Variants in NREP observed in about 807,000 individuals in gnomAD.
NREP encodes neuronal regeneration related protein, also known as neuronal regeneration-related protein.
In NREP, 5 loss-of-function variants were observed where a neutral mutation model predicts 8.6. That is an observed-to-expected ratio of 0.58 (90% confidence interval 0.30 to 1.22). NREP has a LOEUF of 1.22. Among genes scored for constraint, NREP ranks in the 50% most tolerant of loss-of-function variants. The pLI is 0.07. For synonymous variants in NREP, 27 were observed against 28.0 expected (o/e 0.96, Z 0.11); for missense variants, 86 against 82.5 (o/e 1.04, Z -0.17).
Position 111,893,439 on chromosome 5 carries a change from C to T in NREP, c.135+81835G>A, listed in dbSNP as rs997751372. Among the ~76,000 whole-genome samples the T allele has an allele frequency of 2.6e-5, 4 of 151,824 alleles. No homozygotes were observed. The East Asian group carries it at 7.8e-4, about 30-fold the overall frequency. On this transcript the variant is annotated intron_variant, in intron 2 of 3. Coordinates refer to the NREP transcript ENST00000395634. Reference sequence around the variant, plus strand: ...CCCTTCTGTAGGTTCTCACTGTGCACTATATTAGGGTGACATTCAAACATC... The same window carrying T: ...CCCTTCTGTAGGTTCTCACTGTGCATTATATTAGGGTGACATTCAAACATC...
chr5:111,767,859 CT>C (rs1751123036), intron 2 of NREP, among the ~76,000 whole-genome samples: 1 of 152,078 alleles, frequency 6.6e-6, no homozygotes, highest in African/African-American at 2.4e-5. Context: ...AATATGGGGT[CT>C]CCCTGTTTTC....
chr5:111,871,971 CAT>C (rs919682960), intron 2 of NREP, among the ~76,000 whole-genome samples: 34 of 149,246 alleles, frequency 2.3e-4, no homozygotes, highest in Non-Finnish European at 3.9e-4. Flanking sequence ...GTGTGCTTAC[CAT>C]ATATATACAC....
Position 111,798,827 on chromosome 5 carries a change from C to G in NREP, c.136-63320G>C, listed in dbSNP as rs374731131. Among the ~76,000 whole-genome samples the G allele has an allele frequency of 1.1e-4, 16 of 150,760 alleles. No homozygotes were observed. The Admixed American group carries it at 1.1e-3, about 10-fold the overall frequency. ...ACAGTTTCTTTATCCACTCATTGAT[C>G]GATGGGCATTTAAGCTGGTTCCATA... On this transcript the variant is annotated intron_variant, in intron 2 of 3. Transcript: ENST00000395634.
chr5:111,934,240 T>C (rs1755622372), intron 2 of NREP, among the ~76,000 whole-genome samples: 1 of 151,982 alleles, frequency 6.6e-6, no homozygotes, highest in African/African-American at 2.4e-5. Flanking sequence ...CGGGCATACG[T>C]TGGGTTATAA....
chr5:111,958,634 C>T (rs191448897), intron 2 of NREP, among the ~76,000 whole-genome samples: 1 of 151,760 alleles, frequency 6.6e-6, no homozygotes, highest in Admixed American at 6.6e-5. Flanking sequence ...ATGCACAAAG[C>T]TATTGAAGAC....
At chr5:111,894,363 A>T (rs929569664) in intron 2 of NREP, among the ~76,000 whole-genome samples, 27 of 152,160 alleles carry the variant, frequency 1.8e-4, no homozygotes, top group African/African-American at 6.5e-4. Context: ...AGGGAAAAAA[A>T]CTGGCCTCTT....
At chr5:111,836,955 G>A (rs549356399) in intron 2 of NREP, among the ~76,000 whole-genome samples, 1 of 152,126 alleles carries the variant, frequency 6.6e-6, no homozygotes, top group East Asian at 1.9e-4. Context: ...GGGAAAATGG[G>A]AAAAGAATTG....
rs551217544 is a variant in NREP, at chr5:111,748,003, G to A, written c.3+7767C>T. ...ATGACTGCCTCAGTCAGACTATTGA[G>A]ACAAACTGTGCTGCCCGCTGGAAAA... On this transcript the variant is annotated intron_variant, in intron 2 of 3. Coordinates refer to ENST00000257435, the MANE Select transcript of NREP (RefSeq NM_004772.4). Among the ~76,000 whole-genome samples the A allele has an allele frequency of 2.0e-5, 3 of 152,268 alleles. No individual in the cohort carries two copies. The East Asian group carries it at 5.8e-4, about 29-fold the overall frequency.
At chr5:111,955,821 T>A in intron 2 of NREP, among the ~76,000 whole-genome samples, 1 of 148,676 alleles carries the variant, frequency 6.7e-6, no homozygotes, top group Admixed American at 6.8e-5. Context: ...AGCATGGGAG[T>A]AGACAGAGCC....
chr5:111,836,981 A>G (rs1044581208), intron 2 of NREP, among the ~76,000 whole-genome samples: 3 of 152,116 alleles, frequency 2.0e-5, no homozygotes, highest in African/African-American at 7.2e-5. Flanking sequence ...AAGAAAGAAG[A>G]CTTGAATTCA....
At chr5:111,758,144 C>G (rs1488563526), upstream of NREP, 1 of 985,464 alleles carries the variant, frequency 1.0e-6, no homozygotes, top group East Asian at 1.1e-4. Context: ...ACGCGCGCCC[C>G]ACTCCCTTCC....
chr5:111,927,944 G>A (rs544493174), intron 2 of NREP, among the ~76,000 whole-genome samples: 1 of 152,256 alleles, frequency 6.6e-6, no homozygotes, highest in South Asian at 2.1e-4. Flanking sequence ...ACAATAGGAT[G>A]GACTGTGAAA....
chr5:111,809,772 T>C (rs1046930923), intron 2 of NREP, among the ~76,000 whole-genome samples: 1 of 152,156 alleles, frequency 6.6e-6, no homozygotes, highest in Non-Finnish European at 1.5e-5. Context: ...ATTTCTGATA[T>C]TCTGTTATAA....
At chr5:111,971,504 T>C (rs1489025759) in intron 2 of NREP, among the ~76,000 whole-genome samples, 2 of 152,204 alleles carry the variant, frequency 1.3e-5, no homozygotes, top group Non-Finnish European at 2.9e-5. Context: ...AAATTCAGTA[T>C]GGTTCTGGCA....
chr5:111,955,101 TCTA>T (rs1433326542), intron 2 of NREP, among the ~76,000 whole-genome samples: 2 of 152,170 alleles, frequency 1.3e-5, no homozygotes, highest in African/African-American at 4.8e-5. Flanking sequence ...GATATTCTCT[TCTA>T]CTATCAGACT....
chr5:111,744,315 A>G (rs958670734), intron 2 of NREP, among the ~76,000 whole-genome samples: 28 of 152,320 alleles, frequency 1.8e-4, no homozygotes, highest in African/African-American at 6.3e-4. Context: ...AAATAGTATC[A>G]TAACAGACCA....
chr5:111,914,491 C>T (rs1431015732), intron 2 of NREP, among the ~76,000 whole-genome samples: 2 of 152,110 alleles, frequency 1.3e-5, no homozygotes, highest in Non-Finnish European at 1.5e-5. Context: ...GCCTTTGCCT[C>T]TTTTGGAAAG....
upstream of NREP, among the ~76,000 whole-genome samples, chr5:111,762,695 G>C (rs1258414578): frequency 1.3e-5 from 2 of 152,124 alleles, no homozygotes; most frequent in Non-Finnish European, 2.9e-5. Context: ...ACAAACCCCA[G>C]TGACACCTTA....
intron 2 of NREP, among the ~76,000 whole-genome samples, chr5:111,870,624 G>A (rs10041569): frequency 0.071 from 10,831 of 152,212 alleles, 530 homozygotes; most frequent in Non-Finnish European, 0.11. Flanking sequence ...GTATGTTGAT[G>A]TCCTAACCTC....
Sources: allele counts gnomAD v4.1 joint callset (sites outside exome capture counted in the v4.1 genomes callset), GRCh38; gene constraint gnomAD v4.1.1; transcripts MANE v1.5; gene names NCBI Gene and HGNC (gene_info 2026-07-23, HGNC 2026-07-21).